The following TTLL6 variants were observed in gnomAD, a reference collection of about 807,000 sequenced individuals.
TTLL6 encodes tubulin tyrosine ligase like 6, also known as tubulin polyglutamylase TTLL6.
In TTLL6, 75 loss-of-function variants were observed where a neutral mutation model predicts 96.4. That is an observed-to-expected ratio of 0.78 (90% CI 0.65 to 0.94). The LOEUF is 0.94. Among genes scored for constraint, TTLL6 ranks in the 40% least tolerant of loss-of-function variants. The probability of loss-of-function intolerance (pLI) is 0.00; values close to 1 mark genes in which losing one functional copy is unlikely to be tolerated. For synonymous variants in TTLL6, 411 were observed against 419.4 expected (o/e 0.98, Z 0.24); for missense variants, 1,030 against 1,093.0 (o/e 0.94, Z 0.81).
intron 13 of TTLL6, among the ~76,000 whole-genome samples, chr17:48,783,943 T>C (rs141445394): frequency 0.023 from 3,435 of 152,292 alleles, 50 homozygotes; most frequent in Admixed American, 0.035. Context: ...GTTTAGGCTG[T>C]GCTGAGTTCA....
At chr17:48,766,630 G>A (rs958129591) in intron 15 of TTLL6, among the ~76,000 whole-genome samples, 12 of 152,172 alleles carry the variant, frequency 7.9e-5, no homozygotes, top group Admixed American at 2.6e-4. Flanking sequence ...TTGGGAGGCC[G>A]AGGTGGGTGA....
intron 8 of TTLL6, among the ~76,000 whole-genome samples, chr17:48,795,317 T>A: frequency 1.4e-5 from 2 of 142,900 alleles, no homozygotes; most frequent in African/African-American, 2.6e-5. Flanking sequence ...AGAGCAAGAC[T>A]CAGTCTCAAA....
chr17:48,805,099 T>C, intron 1 of TTLL6, 108 bp from the exon 2 acceptor site: 1 of 895,832 alleles, frequency 1.1e-6, no homozygotes, highest in East Asian at 2.6e-5. Context: ...ACGCAACAGG[T>C]TGCAGTTTAT....
rs776544413 is a variant in TTLL6 at position 48,787,775 on chromosome 17, AC to A, written c.1589+35del. 52 of 1,587,054 alleles carry A rather than the reference AC, an allele frequency of 3.3e-5. No homozygotes were observed. The South Asian group carries it at 5.5e-4, about 17-fold the overall frequency. ...CAATAGATCACACACAATCCCCAGA[AC>A]CCCTCCACCGACCTCATCCCGGATG... On this transcript the variant is annotated intron_variant, in intron 11 of 15. Coordinates refer to ENST00000393382, the MANE Select transcript of TTLL6 (RefSeq NM_001130918.3).
At chr17:48,780,059 T>A (rs9915337) in intron 13 of TTLL6, among the ~76,000 whole-genome samples, 46,211 of 151,722 alleles carry the variant, frequency 0.3, 7,281 homozygotes, top group Admixed American at 0.41. Context: ...TTTGAGTAAA[T>A]TTAATCTTAG....
At chr17:48,778,865 G>T (rs1418687991) in intron 13 of TTLL6, among the ~76,000 whole-genome samples, 3 of 151,396 alleles carry the variant, frequency 2.0e-5, no homozygotes, top group South Asian at 2.1e-4. Context: ...GGGAGGTAGA[G>T]GTTGCAGTGA....
In TTLL6 at chr17:48,769,804, G is replaced by A. The variant is rs777705795; in HGVS notation, c.2334C>T (p.Thr778=). 8 of 1,614,128 alleles carry A rather than the reference G, an allele frequency of 5.0e-6. No homozygotes were observed. Among genetic ancestry groups the A allele is most frequent in the Non-Finnish European group, 6.8e-6 (8 of 1,180,052 alleles). ...NKPHLISELL[T]KLQLSGKLSF... is the part of the protein sequence containing the mutation. ...AGAGCTTCCCACTCAGTTGAAGCTT[G>A]GTGAGTAGCTCGGATATCAAATGTG... Residue 778 remains threonine, a synonymous_variant, in exon 14 of 16, where the codon ACC becomes ACT. Transcript: ENST00000393382.
chr17:48,793,599 GAAA>G, intron 8 of TTLL6, among the ~76,000 whole-genome samples: 1 of 114,640 alleles, frequency 8.7e-6, no homozygotes. Context: ...TCCGTCTCAA[GAAA>G]AAAAAAAAAA....
intron 7 of TTLL6, among the ~76,000 whole-genome samples, 198 bp downstream of exon 7, chr17:48,796,863 T>G (rs1414963359): frequency 6.6e-6 from 1 of 152,164 alleles, no homozygotes; most frequent in East Asian, 1.9e-4. Flanking sequence ...GCTCTGGGTT[T>G]TAATCTCGTC....
At chr17:48,802,803 G>A (rs1427475806) in intron 3 of TTLL6, among the ~76,000 whole-genome samples, 10 of 151,994 alleles carry the variant, frequency 6.6e-5, no homozygotes, top group Non-Finnish European at 8.8e-5. Flanking sequence ...CCCGGGAGGC[G>A]AAGGTTGCAG....
rs57730059 is a variant in TTLL6 at position 48,785,715 on chromosome 17, G to A, written c.1761+449C>T. 9.9e-3 allele frequency among the ~76,000 whole-genome samples: 1,502 copies of A among 152,196 alleles called. 32 individuals carry two copies. The South Asian group carries it at 0.1, about 10-fold the overall frequency. ...GAGGAGGAGAGACCCAGCCATGACC[G>A]ACATCCCATGTAATGTTCTGAGAGT... On this transcript the variant is annotated intron_variant, in intron 12 of 15. Transcript: ENST00000393382.
chr17:48,805,094 A>G (rs1435706024), intron 1 of TTLL6, 103 bp from the exon 2 acceptor site: 14 of 937,356 alleles, frequency 1.5e-5, no homozygotes, highest in African/African-American at 3.3e-5. Context: ...ATTCAACGCA[A>G]CAGGTTGCAG....
intron 6 of TTLL6, among the ~76,000 whole-genome samples, chr17:48,798,368 GCCAGCTTGGTTAACATAGTGAAAC>G (rs2039355307): frequency 6.6e-6 from 1 of 152,072 alleles, no homozygotes; most frequent in African/African-American, 2.4e-5. Flanking sequence ...GGAGTTTGAG[GCCAGCTTGGTTAACATAGTGAAAC>G]CCCGTCTCTA....
At chr17:48,789,763 G>A (rs1425491401) in intron 10 of TTLL6, among the ~76,000 whole-genome samples, 168 bp downstream of exon 10, 1 of 152,042 alleles carries the variant, frequency 6.6e-6, no homozygotes, top group Non-Finnish European at 1.5e-5. Context: ...CACCATGTTG[G>A]CCAGCCTGGT....
intron 13 of TTLL6, among the ~76,000 whole-genome samples, chr17:48,770,698 A>C (rs2038725615): frequency 6.6e-6 from 1 of 151,750 alleles, no homozygotes; most frequent in African/African-American, 2.4e-5. Context: ...TTTTCTGTAG[A>C]GATGGGGTTT....
intron 13 of TTLL6, among the ~76,000 whole-genome samples, chr17:48,780,266 G>A (rs999420265): frequency 2.6e-5 from 4 of 151,948 alleles, no homozygotes; most frequent in Non-Finnish European, 5.9e-5. Flanking sequence ...CTGCCTCAGC[G>A]AACTCCTGAC....
Position 48,782,640 on chromosome 17 carries a change from G to GTAAAC in TTLL6, c.2040+2282_2040+2283insGTTTA, listed in dbSNP as rs1468509240. 4.6e-5 allele frequency among the ~76,000 whole-genome samples: 7 copies of GTAAAC among 152,184 alleles called. No individual in the cohort carries two copies. The East Asian group carries it at 1.3e-3, about 29-fold the overall frequency. ...CTGCAAAACATACTCTCTTAAAGGT[G>GTAAAC]CTTTTCAAACCATGGGTTGTAAACC... On this transcript the variant is annotated intron_variant, in intron 13 of 15. Transcript: ENST00000393382.
chr17:48,789,724 T>G (rs1441625930), intron 10 of TTLL6, among the ~76,000 whole-genome samples: 1 of 151,990 alleles, frequency 6.6e-6, no homozygotes, highest in Non-Finnish European at 1.5e-5. Context: ...CCGGCTAATT[T>G]TTTTGTATTT....
intron 13 of TTLL6, among the ~76,000 whole-genome samples, chr17:48,777,011 G>GACACACAC (rs71369215): frequency 0.089 from 12,525 of 141,310 alleles, 613 homozygotes; most frequent in African/African-American, 0.095. Flanking sequence ...CATAAGGATA[G>GACACACAC]ACACACACAC....
Sources: allele counts gnomAD v4.1 joint callset (sites outside exome capture counted in the v4.1 genomes callset), GRCh38; gene constraint gnomAD v4.1.1; transcripts MANE v1.5; gene names NCBI Gene and HGNC (gene_info 2026-07-23, HGNC 2026-07-21).